Variants in PTBP3 observed in about 807,000 individuals in gnomAD.
PTBP3 encodes the protein polypyrimidine tract binding protein 3.
In PTBP3, 20 loss-of-function variants were observed where a neutral mutation model predicts 58.7. The ratio of observed to expected loss-of-function variants is 0.34; its 90% CI spans 0.24 to 0.50. The LOEUF is 0.50. Ranked by LOEUF, PTBP3 falls within the 20% of genes least tolerant of loss-of-function variation. The pLI is 0.98. For missense variants in PTBP3, 509 were observed against 637.2 expected, an observed-to-expected ratio of 0.80 and a Z score of 2.17; for synonymous variants, 185 against 219.8, an observed-to-expected ratio of 0.84 and a Z score of 1.40.
the PTBP3 span, among the ~76,000 whole-genome samples, chr9:112,341,629 AT>A: frequency 2.0e-5 from 3 of 151,522 alleles, no homozygotes; most frequent in Admixed American, 6.6e-5. Context: ...TGCGTTATTG[AT>A]TTTTTTTGTT....
At chr9:112,273,100 C>T (rs940012246) in intron 3 of PTBP3, among the ~76,000 whole-genome samples, 1 of 152,162 alleles carries the variant, frequency 6.6e-6, no homozygotes, top group African/African-American at 2.4e-5. Context: ...ATGAAATGCT[C>T]CAAATGAACT....
chr9:112,236,072 T>C (rs1021254661), intron 7 of PTBP3, among the ~76,000 whole-genome samples: 1 of 152,140 alleles, frequency 6.6e-6, no homozygotes, highest in African/African-American at 2.4e-5. Context: ...GATGACTGTA[T>C]TTATAGGCAC....
At chr9:112,231,907 AAGAAAAGAAGAGAAGAGAAG>A (rs1564391025) in intron 9 of PTBP3, among the ~76,000 whole-genome samples, 172 bp downstream of exon 9, 30 of 129,942 alleles carry the variant, frequency 2.3e-4, no homozygotes, top group African/African-American at 9.0e-4. Context: ...CCTTTCTGAA[AAGAAAAGAAGAGAAGAGAAG>A]AGAAGAGAAG....
Position 112,320,291 on chromosome 9 carries a change from A to AAAAAATATATATAT in PTBP3, c.-52+13178_-52+13179insATATATATATTTTT, listed in dbSNP as rs1411646280. Among the ~76,000 whole-genome samples the AAAAAATATATATAT allele has an allele frequency of 6.8e-5, 5 of 73,532 alleles. No individual in the cohort carries two copies. In the East Asian group the frequency reaches 1.3e-3, roughly 19 times the overall value. The allele number at this position is 73,532 out of a possible 152,430, so 48.2% of individuals were successfully genotyped here. ...AGACCCTTTCTCTTAAAAAAAAAAA[A>AAAAAATATATATAT]ATATATATATATATATATATATATT... On this transcript the variant is annotated intron_variant, in intron 1 of 13. Coordinates refer to ENST00000374257, the MANE Select transcript of PTBP3 (RefSeq NM_001163788.4).
At chr9:112,356,182 T>C in the PTBP3 span, among the ~76,000 whole-genome samples, 1 of 152,034 alleles carries the variant, frequency 6.6e-6, no homozygotes, top group Non-Finnish European at 1.5e-5. Context: ...TTTCACCATG[T>C]CGACCAGGCC....
chr9:112,333,337 G>T, intron 1 of PTBP3, 133 bp downstream of exon 1: 1 of 1,114,044 alleles, frequency 9.0e-7, no homozygotes, highest in Non-Finnish European at 1.2e-6. Flanking sequence ...CCCCGCCGTC[G>T]GGCTTGGCCG....
chr9:112,245,571 C>T (rs2132048478), intron 7 of PTBP3, among the ~76,000 whole-genome samples: 1 of 152,292 alleles, frequency 6.6e-6, no homozygotes, highest in Middle Eastern at 3.4e-3. Flanking sequence ...TAGTCATGTC[C>T]ATTTAGTCAT....
At chr9:112,259,211 C>T (rs1836493417) in intron 5 of PTBP3, among the ~76,000 whole-genome samples, 1 of 152,108 alleles carries the variant, frequency 6.6e-6, no homozygotes, top group South Asian at 2.1e-4. Flanking sequence ...CCTCAGCCTC[C>T]CAAAGTGCTG....
intron 12 of PTBP3, 123 bp from the exon 13 acceptor site, chr9:112,224,333 G>C: frequency 1.8e-6 from 1 of 566,584 alleles, no homozygotes; most frequent in Non-Finnish European, 2.9e-6. Context: ...ATATGACAAA[G>C]ACTTGATTTG....
chr9:112,262,417 G>T lies in PTBP3; in HGVS notation c.516+18C>A. On this transcript the variant is annotated intron_variant, in intron 5 of 13. Transcript: ENST00000374257. ...CATATTTAACTTAACTTTCTTAAGG[G>T]TATTTATTCCTCCTTACCTGATGAA... The T allele has an allele frequency of 6.4e-7, 1 of 1,554,330 alleles. No homozygotes were observed. The highest frequency in any genetic ancestry group is 8.7e-7 in the Non-Finnish European group (1 of 1,155,548).
At chr9:112,374,863 G>A in the PTBP3 span, among the ~76,000 whole-genome samples, 1 of 152,218 alleles carries the variant, frequency 6.6e-6, no homozygotes. Context: ...TGATGGAAGA[G>A]GTTCAATATA....
Position 112,220,144 on chromosome 9 carries a change from T to C in PTBP3, c.*3707A>G, listed in dbSNP as rs776608133. 3.1e-6 allele frequency: 4 copies of C among 1,305,538 alleles called. No homozygotes were observed. The South Asian group carries it at 4.9e-5, about 16-fold the overall frequency. 80.9% of individuals were successfully genotyped at this position (1,305,538 alleles called of 1,614,324 possible). On this transcript the variant is annotated 3_prime_UTR_variant, in exon 14 of 14. Coordinates refer to ENST00000374257, the MANE Select transcript of PTBP3 (RefSeq NM_001163788.4). ...AGTACACATTAGGTTTTCTAAGGGA[T>C]AGGTGGGGAAAAACACATGTACTTT...
At chr9:112,261,200 C>T (rs1391729085) in intron 5 of PTBP3, among the ~76,000 whole-genome samples, 3 of 152,128 alleles carry the variant, frequency 2.0e-5, no homozygotes, top group African/African-American at 7.2e-5. Context: ...AGAGAGCAAC[C>T]GTGGCTCTGG....
chr9:112,379,538 A>G, the PTBP3 span, among the ~76,000 whole-genome samples: 5 of 152,230 alleles, frequency 3.3e-5, no homozygotes, highest in African/African-American at 1.2e-4. Flanking sequence ...CAAGCTATCT[A>G]CCGATGCACA....
At chr9:112,372,789 C>T in the PTBP3 span, among the ~76,000 whole-genome samples, 16 of 152,100 alleles carry the variant, frequency 1.1e-4, no homozygotes, top group African/African-American at 3.4e-4. Flanking sequence ...ATGCATATAC[C>T]ATATTGTGTT....
intron 2 of PTBP3, among the ~76,000 whole-genome samples, chr9:112,284,342 T>A (rs77391361): frequency 2.8e-3 from 428 of 152,302 alleles, no homozygotes; most frequent in African/African-American, 1.0e-2. Context: ...GCTCACTCTT[T>A]GCAAAAGCAT....
chr9:112,231,719 T>C (rs946424018), intron 9 of PTBP3, among the ~76,000 whole-genome samples: 11 of 148,634 alleles, frequency 7.4e-5, no homozygotes, highest in African/African-American at 2.8e-4. Context: ...CTGGGCAACA[T>C]AGCAAGATCC....
chr9:112,303,972 G>A (rs1322392907), intron 1 of PTBP3, among the ~76,000 whole-genome samples: 1 of 152,038 alleles, frequency 6.6e-6, no homozygotes, highest in Non-Finnish European at 1.5e-5. Context: ...TTCAAGACCA[G>A]CCTGGCCAAC....
chr9:112,306,586 G>GTGTA (rs772584990), intron 1 of PTBP3, among the ~76,000 whole-genome samples: 4 of 114,524 alleles, frequency 3.5e-5, no homozygotes, highest in East Asian at 2.4e-4. Flanking sequence ...ATTTAAATTT[G>GTGTA]TATATATATA....
Sources: allele counts gnomAD v4.1 joint callset (sites outside exome capture counted in the v4.1 genomes callset), GRCh38; gene constraint gnomAD v4.1.1; transcripts MANE v1.5; gene names NCBI Gene and HGNC (gene_info 2026-07-23, HGNC 2026-07-21).